TNNI3K: variants seen among roughly 807,000 people sequenced by gnomAD.
The protein encoded by TNNI3K is TNNI3 interacting kinase.
A neutral mutation model predicts 114.5 loss-of-function variants in TNNI3K; 140 were observed. The observed-to-expected ratio is 1.22, with a 90% CI of 1.07 to 1.41. The LOEUF (loss-of-function observed/expected upper bound fraction) is 1.41. Among genes scored for constraint, TNNI3K ranks in the 40% most tolerant of loss-of-function variants. TNNI3K has a pLI of 0.00. For missense variants in TNNI3K, 1,125 were observed against 1,007.6 expected, an observed-to-expected ratio of 1.12 and a Z score of -1.58; for synonymous variants, 347 against 347.5, an observed-to-expected ratio of 1.00 and a Z score of 0.02.
intron 17 of TNNI3K, among the ~76,000 whole-genome samples, chr1:74,397,197 A>G (rs1322581017): frequency 2.2e-5 from 2 of 89,242 alleles, no homozygotes; most frequent in East Asian, 6.0e-4. Flanking sequence ...AGGAAACATG[A>G]TGACAGAGAG....
chr1:74,377,957 C>G (rs1047075013), intron 17 of TNNI3K, among the ~76,000 whole-genome samples: 1 of 152,060 alleles, frequency 6.6e-6, no homozygotes, highest in African/African-American at 2.4e-5. Context: ...TAAACAGACA[C>G]ATTTCCATAT....
chr1:74,282,203 C>T (rs1256109738), intron 5 of TNNI3K, among the ~76,000 whole-genome samples: 2 of 151,914 alleles, frequency 1.3e-5, no homozygotes, highest in Admixed American at 1.3e-4. Context: ...ACCAAGATGC[C>T]AGACATGTGC....
chr1:74,485,875 A>G (rs1668732274), intron 21 of TNNI3K, among the ~76,000 whole-genome samples: 1 of 152,176 alleles, frequency 6.6e-6, no homozygotes, highest in Non-Finnish European at 1.5e-5. Context: ...CAAAGAAATC[A>G]GTACTGCCAA....
At chr1:74,296,103 C>T (rs963789148) in intron 5 of TNNI3K, among the ~76,000 whole-genome samples, 1 of 151,760 alleles carries the variant, frequency 6.6e-6, no homozygotes, top group Admixed American at 6.6e-5. Flanking sequence ...GTTGAAACCC[C>T]GGCACTACTA....
At chr1:74,479,898 A>G (rs903494434) in intron 21 of TNNI3K, among the ~76,000 whole-genome samples, 4 of 152,256 alleles carry the variant, frequency 2.6e-5, no homozygotes, top group African/African-American at 9.6e-5. Flanking sequence ...GTTCAAGGTC[A>G]CCAATGCTAT....
At chr1:74,294,285 T>G (rs1657850169) in intron 5 of TNNI3K, among the ~76,000 whole-genome samples, 2 of 151,998 alleles carry the variant, frequency 1.3e-5, no homozygotes. Context: ...TTGGAAAAGT[T>G]TGTGAAGATT....
intron 21 of TNNI3K, among the ~76,000 whole-genome samples, chr1:74,476,726 G>A (rs772631150): frequency 6.6e-6 from 1 of 152,138 alleles, no homozygotes; most frequent in African/African-American, 2.4e-5. Flanking sequence ...ACCCACATCT[G>A]CCTGAGGACA....
At chr1:74,471,989 G>A (rs1442116914) in intron 21 of TNNI3K, 1 of 631,128 alleles carries the variant, frequency 1.6e-6, no homozygotes, top group Non-Finnish European at 2.9e-6. Context: ...CTATTTTTTT[G>A]TACGATCTTT....
chr1:74,333,909 G>C (rs1467101106), intron 6 of TNNI3K, among the ~76,000 whole-genome samples: 2 of 152,148 alleles, frequency 1.3e-5, no homozygotes, highest in Non-Finnish European at 2.9e-5. Context: ...TATCTGCTTA[G>C]GCATGCAAGG....
At chr1:74,430,687 GATAA>G (rs1665854345) in intron 17 of TNNI3K, among the ~76,000 whole-genome samples, 1 of 151,912 alleles carries the variant, frequency 6.6e-6, no homozygotes, top group African/African-American at 2.4e-5. Flanking sequence ...ACTTCAAAGA[GATAA>G]ATACTCACTT....
chr1:74,487,849 A>G (rs1293398109), intron 21 of TNNI3K, among the ~76,000 whole-genome samples: 1 of 152,174 alleles, frequency 6.6e-6, no homozygotes, highest in Non-Finnish European at 1.5e-5. Flanking sequence ...TGTTGGAGTC[A>G]GGTTTCTAGA....
chr1:74,465,622 C>T (rs1667642374), intron 21 of TNNI3K, among the ~76,000 whole-genome samples: 1 of 152,208 alleles, frequency 6.6e-6, no homozygotes, highest in Admixed American at 6.5e-5. Context: ...CCACCGACCG[C>T]CCAAAGGCTG....
intron 21 of TNNI3K, among the ~76,000 whole-genome samples, chr1:74,487,825 G>A (rs1335152316): frequency 6.6e-6 from 1 of 152,194 alleles, no homozygotes; most frequent in Non-Finnish European, 1.5e-5. Context: ...CCAAGTACCA[G>A]TGTGATCAAA....
chr1:74,342,593 A>G (rs1478985049), intron 7 of TNNI3K, among the ~76,000 whole-genome samples: 1 of 152,150 alleles, frequency 6.6e-6, no homozygotes, highest in Non-Finnish European at 1.5e-5. Context: ...TGTGTAAGAT[A>G]GATTTGATTT....
At chr1:74,353,483 ACTG>A (rs2100478723) in intron 10 of TNNI3K, 123 bp downstream of exon 10, 1 of 1,015,728 alleles carries the variant, frequency 9.8e-7, no homozygotes, top group African/African-American at 1.6e-5. Context: ...TATTTTATCA[ACTG>A]CCAGCATTTA....
chr1:74,310,981 C>G (rs1439431139), intron 5 of TNNI3K, among the ~76,000 whole-genome samples: 2 of 152,164 alleles, frequency 1.3e-5, no homozygotes, highest in Admixed American at 6.5e-5. Flanking sequence ...ACAGACAAAA[C>G]AGAGCTAACC....
intron 5 of TNNI3K, among the ~76,000 whole-genome samples, chr1:74,304,578 G>A (rs931550121): frequency 6.6e-6 from 1 of 152,038 alleles, no homozygotes; most frequent in African/African-American, 2.4e-5. Context: ...GAGTAGCTAG[G>A]ACTATGGGTT....
Position 74,340,436 on chromosome 1 carries a change from G to A in TNNI3K, c.683-2406G>A, listed in dbSNP as rs115393880. ...TCTTTTTTGTCTTTGCAAATTGGTC[G>A]AAGACAAAACTAAATACATCACAAT... On this transcript the variant is annotated intron_variant, in intron 7 of 24. Coordinates refer to ENST00000326637, the MANE Select transcript of TNNI3K (RefSeq NM_015978.3). Among the ~76,000 whole-genome samples, 1,112 of 152,052 alleles carry A rather than the reference G, an allele frequency of 7.3e-3. 16 individuals carry two copies. The highest frequency in any genetic ancestry group is 0.025 in the African/African-American group (1,036 of 41,486).
chr1:74,288,675 T>C (rs1657477295), intron 5 of TNNI3K, among the ~76,000 whole-genome samples: 1 of 151,794 alleles, frequency 6.6e-6, no homozygotes, highest in Admixed American at 6.7e-5. Context: ...GAAGAATGAA[T>C]AAATTCTGGA....
Sources: gnomAD v4.1 joint callset for allele counts (sites outside exome capture counted in the v4.1 genomes callset) on GRCh38, gnomAD v4.1.1 for gene constraint, MANE v1.5 for transcripts, NCBI Gene and HGNC (gene_info 2026-07-23, HGNC 2026-07-21) for gene names.